Variants in RALYL observed in about 807,000 individuals in gnomAD.
RALYL encodes RALY RNA binding protein like.
Under a neutral mutation model 35.1 loss-of-function variants are expected in RALYL, and 29 were observed. That is an observed-to-expected ratio of 0.83 (90% CI 0.61 to 1.13). The LOEUF is 1.13. RALYL is among the 50% of genes most tolerant of loss of function. The pLI, the probability that RALYL is intolerant of heterozygous loss-of-function variation, is 0.00. For synonymous variants in RALYL, 120 were observed against 127.6 expected, an observed-to-expected ratio of 0.94 and a Z score of 0.40; for missense variants, 359 against 360.4, an observed-to-expected ratio of 1.00 and a Z score of 0.03.
chr8:84,850,404 T>C (rs1371922921), intron 5 of RALYL, among the ~76,000 whole-genome samples: 7 of 152,184 alleles, frequency 4.6e-5, no homozygotes, highest in Admixed American at 2.6e-4. Flanking sequence ...TAATAAAACA[T>C]TGAAAATGCT....
chr8:84,790,341 G>A (rs1171845293), intron 3 of RALYL, among the ~76,000 whole-genome samples: 1 of 152,192 alleles, frequency 6.6e-6, no homozygotes, highest in African/African-American at 2.4e-5. Context: ...TCAGCCCTGA[G>A]GGTCTATGTA....
intron 2 of RALYL, among the ~76,000 whole-genome samples, chr8:84,541,306 C>A (rs896624363): frequency 5.9e-5 from 9 of 151,946 alleles, no homozygotes; most frequent in Non-Finnish European, 1.5e-5. Flanking sequence ...TTTTCAGAAT[C>A]ATTTAGTTGA....
At chr8:84,391,165 T>C (rs7834453) in intron 1 of RALYL, among the ~76,000 whole-genome samples, 4,273 of 152,024 alleles carry the variant, frequency 0.028, 190 homozygotes, top group African/African-American at 0.097. Flanking sequence ...AACATCTCAT[T>C]GCGTGGACGA....
chr8:84,335,130 C>T (rs2130778518), intron 1 of RALYL, among the ~76,000 whole-genome samples: 1 of 152,248 alleles, frequency 6.6e-6, no homozygotes, highest in South Asian at 2.1e-4. Context: ...TGGCATTGCT[C>T]ATCTCTGGGT....
At chr8:84,691,459 T>G (rs1838036144) in intron 2 of RALYL, among the ~76,000 whole-genome samples, 1 of 152,102 alleles carries the variant, frequency 6.6e-6, no homozygotes, top group African/African-American at 2.4e-5. Context: ...ATTTTCATCA[T>G]TAAGTAGTTG....
At chr8:84,808,032 C>T (rs1267932834) in intron 4 of RALYL, among the ~76,000 whole-genome samples, 1 of 152,106 alleles carries the variant, frequency 6.6e-6, no homozygotes, top group East Asian at 1.9e-4. Flanking sequence ...AACTATTTAT[C>T]TTTGTTTTTA....
intron 2 of RALYL, among the ~76,000 whole-genome samples, chr8:84,631,802 G>A (rs900008693): frequency 3.3e-5 from 5 of 151,604 alleles, no homozygotes; most frequent in Admixed American, 6.6e-5. Flanking sequence ...TACATTCTGC[G>A]GATTCATATG....
intron 2 of RALYL, among the ~76,000 whole-genome samples, chr8:84,765,082 A>G (rs1813590450): frequency 6.6e-6 from 1 of 152,042 alleles, no homozygotes; most frequent in Non-Finnish European, 1.5e-5. Flanking sequence ...CTGTGAACCC[A>G]CCTGGCCAGG....
At chr8:84,688,622 G>C (rs1837335315) in intron 2 of RALYL, among the ~76,000 whole-genome samples, 1 of 151,928 alleles carries the variant, frequency 6.6e-6, no homozygotes, top group Non-Finnish European at 1.5e-5. Context: ...TGTAAAACTA[G>C]TAGAAAAAAA....
chr8:84,379,912 C>T (rs930728040), intron 1 of RALYL, among the ~76,000 whole-genome samples: 5 of 150,632 alleles, frequency 3.3e-5, no homozygotes, highest in Non-Finnish European at 7.4e-5. Context: ...TAAAAATATG[C>T]TGTTTTAATA....
chr8:84,551,941 A>C (rs960688858), intron 2 of RALYL, among the ~76,000 whole-genome samples: 2 of 152,148 alleles, frequency 1.3e-5, no homozygotes, highest in Non-Finnish European at 2.9e-5. Context: ...ACATTGCCTC[A>C]GTACTATAGA....
At chr8:84,783,797 G>A (rs961725601) in intron 3 of RALYL, among the ~76,000 whole-genome samples, 5 of 152,132 alleles carry the variant, frequency 3.3e-5, no homozygotes, top group African/African-American at 9.7e-5. Context: ...TCAAAAGGAA[G>A]GGAGGGAAAT....
intron 2 of RALYL, among the ~76,000 whole-genome samples, chr8:84,752,904 CA>C (rs1430140015): frequency 6.6e-6 from 1 of 152,124 alleles, no homozygotes; most frequent in African/African-American, 2.4e-5. Context: ...TCTACTAGGA[CA>C]GTGTAAAGGG....
At chr8:84,495,543 A>G (rs1197497655) in intron 1 of RALYL, among the ~76,000 whole-genome samples, 1 of 152,112 alleles carries the variant, frequency 6.6e-6, no homozygotes, top group Non-Finnish European at 1.5e-5. Flanking sequence ...AAATGTGCAG[A>G]TTTCATAATT....
At chr8:84,703,885 T>C (rs1034633584) in intron 2 of RALYL, among the ~76,000 whole-genome samples, 2 of 152,302 alleles carry the variant, frequency 1.3e-5, no homozygotes, top group Middle Eastern at 3.4e-3. Context: ...TCCTGTGAAT[T>C]TAAAATACAT....
chr8:84,483,813 AT>A (rs2054306265), intron 1 of RALYL, among the ~76,000 whole-genome samples: 1 of 152,140 alleles, frequency 6.6e-6, no homozygotes, highest in Non-Finnish European at 1.5e-5. Flanking sequence ...ATGCAGTGAC[AT>A]TTTCTAAAAC....
Position 84,732,683 on chromosome 8 carries a change from T to TATATATATACAC in RALYL, c.257-41895_257-41894insTATATATACACA. Among the ~76,000 whole-genome samples the TATATATATACAC allele has an allele frequency of 4.1e-4, 54 of 133,250 alleles. 1 individual carries two copies. The highest frequency in any genetic ancestry group is 1.4e-3 in the African/African-American group (46 of 32,934). The allele number at this position is 133,250 out of a possible 152,430, so 87.4% of individuals were successfully genotyped here. ...TATTAAATAATTATATATATATATA[T>TATATATATACAC]ACACACACACACACATATATATAAT... On this transcript the variant is annotated intron_variant, in intron 2 of 8. Transcript: ENST00000521268.
At position 84,873,028 on chromosome 8, in the gene RALYL, G is replaced by A. The variant is rs144320793; in HGVS notation, c.572-256G>A. The stretch of plus-strand genomic sequence containing the variant: ...ATTTTAAAAAATATTTCTTAATTCC[G>A]TTATCCATTTCCATAACCTTCAGTC... On this transcript the variant is annotated intron_variant, in intron 6 of 8. Transcript: ENST00000521268. 8.8e-3 allele frequency: 2,870 copies of A among 326,134 alleles called. 23 individuals carry two copies. The highest frequency in any genetic ancestry group is 0.012 in the Admixed American group (249 of 20,724). 20.2% of individuals were successfully genotyped at this position (326,134 alleles called of 1,614,324 possible).
intron 2 of RALYL, among the ~76,000 whole-genome samples, chr8:84,742,083 T>A: frequency 6.6e-6 from 1 of 151,958 alleles, no homozygotes; most frequent in East Asian, 1.9e-4. Flanking sequence ...TTTAAGGAGC[T>A]CAAATGTTCT....
Sources: allele counts gnomAD v4.1 joint callset (sites outside exome capture counted in the v4.1 genomes callset), GRCh38; gene constraint gnomAD v4.1.1; transcripts MANE v1.5; gene names NCBI Gene and HGNC (gene_info 2026-07-23, HGNC 2026-07-21).